The following DMD variants were observed in gnomAD, a reference collection of about 807,000 sequenced individuals.
The protein encoded by DMD is dystrophin, also known as mutant dystrophin.
In DMD, 63 loss-of-function variants were observed where a neutral mutation model predicts 330.1. That is an observed-to-expected ratio of 0.19 (90% CI 0.16 to 0.24). The LOEUF is 0.24. Among genes scored for constraint, DMD ranks in the 10% least tolerant of loss-of-function variants. The pLI, the probability that DMD is intolerant of heterozygous loss-of-function variation, is 1.00. For missense variants in DMD, 3,344 were observed against 2,684.1 expected, an observed-to-expected ratio of 1.25 and a Z score of -5.43; for synonymous variants, 1,223 against 959.8, an observed-to-expected ratio of 1.27 and a Z score of -5.07.
chrX:32,307,422 C>T (rs1325483383), intron 42 of DMD, among the ~76,000 whole-genome samples: 1 of 111,427 alleles, frequency 9.0e-6, no homozygotes, highest in Non-Finnish European at 1.9e-5. Flanking sequence ...CTTTAACTAC[C>T]TGACACTCAT....
chrX:32,406,304 T>G (rs2098116696), intron 30 of DMD, among the ~76,000 whole-genome samples: 1 of 111,423 alleles, frequency 9.0e-6, no homozygotes, highest in African/African-American at 3.3e-5. Flanking sequence ...ATAGGAGCAG[T>G]GAGAGAGGGC....
intron 16 of DMD, among the ~76,000 whole-genome samples, chrX:32,560,532 C>G (rs1367399915): frequency 9.1e-6 from 1 of 110,351 alleles, no homozygotes; most frequent in Non-Finnish European, 1.9e-5. Flanking sequence ...GGTGCACCTA[C>G]AGACCCATTA....
intron 11 of DMD, among the ~76,000 whole-genome samples, chrX:32,629,690 A>G (rs2146587034): frequency 9.1e-6 from 1 of 110,426 alleles, no homozygotes; most frequent in Non-Finnish European, 1.9e-5. Flanking sequence ...GTACCTGAGT[A>G]CATTATTTGA....
intron 48 of DMD, among the ~76,000 whole-genome samples, chrX:31,864,304 G>C (rs745700648): frequency 9.1e-6 from 1 of 110,078 alleles, no homozygotes; most frequent in East Asian, 2.9e-4. Flanking sequence ...CCAACAAATT[G>C]TTAGTCCTAT....
chrX:32,852,133 TCTTCCACTTGAGGA>T (rs1413684129), intron 2 of DMD, among the ~76,000 whole-genome samples: 1 of 111,500 alleles, frequency 9.0e-6, no homozygotes, highest in African/African-American at 3.3e-5. Context: ...AGAGACTGCT[TCTTCCACTTGAGGA>T]GAGGATAGGG....
intron 45 of DMD, among the ~76,000 whole-genome samples, chrX:31,962,848 C>G (rs1490331288): frequency 9.0e-6 from 1 of 111,477 alleles, no homozygotes; most frequent in East Asian, 2.8e-4. Flanking sequence ...GCGGACGGGA[C>G]AGATCCTGGG....
intron 54 of DMD, among the ~76,000 whole-genome samples, chrX:31,651,888 G>A (rs756223101): frequency 8.3e-4 from 92 of 111,421 alleles, no homozygotes; most frequent in African/African-American, 2.9e-3. Context: ...TGTAACAGAG[G>A]AGCCAGATAA....
intron 15 of DMD, among the ~76,000 whole-genome samples, chrX:32,572,199 A>G (rs2052498425): frequency 9.0e-6 from 1 of 111,652 alleles, no homozygotes; most frequent in African/African-American, 3.2e-5. Flanking sequence ...AATCTATTTT[A>G]AATTAAAAGA....
Position 31,220,055 on chromosome X carries a change from T to C in DMD, c.9361+2992A>G, listed in dbSNP as rs193264543. 6.4e-4 allele frequency among the ~76,000 whole-genome samples: 72 copies of C among 111,748 alleles called. 1 individual carries two copies. The highest frequency in any genetic ancestry group is 2.1e-3 in the African/African-American group (66 of 30,738). ...AACAGTCACGTGCTGTACAGGTGTATAGCCTAGGAGCAATAGGCTATCCCA... is the reference window on the plus strand; with the variant it reads ...AACAGTCACGTGCTGTACAGGTGTACAGCCTAGGAGCAATAGGCTATCCCA... On this transcript the variant is annotated intron_variant, in intron 64 of 78. Transcript: ENST00000357033.
rs200824304 is a variant in DMD at position 31,298,412 on chromosome X, C to CACAT, written c.9224+25185_9224+25186insATGT. 2.7e-3 allele frequency among the ~76,000 whole-genome samples: 269 copies of CACAT among 100,871 alleles called. 5 individuals carry two copies. In the East Asian group the frequency reaches 0.07, roughly 26 times the overall value. 87.6% of individuals were successfully genotyped at this position (100,871 alleles called of 115,157 possible). A position where few individuals can be genotyped will look rare whatever the true frequency, so the allele number is the denominator to read the frequency against. Reference sequence around the variant, plus strand: ...TCAAACACACACACACACACACATACACACACACACACACACACATACACA... The same window carrying CACAT: ...TCAAACACACACACACACACACATACACATACACACACACACACACACATACACA... On this transcript the variant is annotated intron_variant, in intron 62 of 78. Transcript: ENST00000357033.
chrX:31,319,909 T>C (rs1236114725), intron 62 of DMD, among the ~76,000 whole-genome samples: 2 of 112,467 alleles, frequency 1.8e-5, no homozygotes, highest in Non-Finnish European at 3.8e-5. Flanking sequence ...CCTAACAGAA[T>C]GCAGCAGCTG....
At chrX:33,151,067 G>A (rs1032328092) in intron 1 of DMD, among the ~76,000 whole-genome samples, 1 of 112,577 alleles carries the variant, frequency 8.9e-6, no homozygotes, top group Non-Finnish European at 1.9e-5. Flanking sequence ...AGCATGCTTT[G>A]CTATGTTATG....
Position 32,737,371 on chromosome X carries a change from G to A in DMD, c.650-38078C>T, listed in dbSNP as rs144039687. Among the ~76,000 whole-genome samples the A allele has an allele frequency of 1.5e-3, 161 of 110,883 alleles. 2 individuals carry two copies. In the East Asian group the frequency reaches 0.039, roughly 27 times the overall value. On this transcript the variant is annotated intron_variant, in intron 7 of 78. Coordinates refer to ENST00000357033, the MANE Select transcript of DMD (RefSeq NM_004006.3). ...TTTCTATGAAAATGACTATTTTATG[G>A]TATTTTCTAATAATTAGGTCTTATA...
At chrX:33,336,739 AT>A (rs1316171708) in intron 1 of DMD, among the ~76,000 whole-genome samples, 1 of 111,146 alleles carries the variant, frequency 9.0e-6, no homozygotes, top group Non-Finnish European at 1.9e-5. Flanking sequence ...CACACCTTCT[AT>A]TTTTATGCAT....
At chrX:32,315,200 T>A (rs2097578895) in intron 41 of DMD, among the ~76,000 whole-genome samples, 1 of 111,841 alleles carries the variant, frequency 8.9e-6, no homozygotes, top group South Asian at 3.7e-4. Context: ...TGGGACACTA[T>A]GCAGCCATAA....
rs754176290 is a variant in DMD, at chrX:32,595,876, C to A, written c.1483G>T (p.Val495Leu). The A allele has an allele frequency of 5.9e-6, 7 of 1,187,551 alleles. No individual in the cohort carries two copies. Among genetic ancestry groups the A allele is most frequent in the Non-Finnish European group, 8.0e-6 (7 of 874,069 alleles). Residue 495 changes from valine to leucine, a missense_variant and splice_region_variant, in exon 13 of 79, where the codon GTG (valine) becomes TTG (leucine). Coordinates refer to ENST00000357033, the MANE Select transcript of DMD (RefSeq NM_004006.3). ...TCTTGTTCTAGATCTTCTTGAAGCA[C>A]CTGAAAGATAAAATGTTTTAAAGGA... ...DLKRQVQQHK[V>L]LQEDLEQEQV...
rs775036740 is a variant in DMD at position 32,756,547 on chromosome X, C to T, written c.649+52946G>A. On this transcript the variant is annotated intron_variant, in intron 7 of 78. Coordinates refer to ENST00000357033, the MANE Select transcript of DMD (RefSeq NM_004006.3). ...TATGATGTCAATATTATATGTCTTA[C>T]GCATCTAGTTTATAAAAGTCATCAG... The T allele has an allele frequency of 8.9e-4, 99 of 111,087 alleles. 1 individual carries two copies. Among genetic ancestry groups the T allele is most frequent in the African/African-American group, 2.5e-3 (75 of 30,562 alleles). 9.2% of individuals were successfully genotyped at this position (111,087 alleles called of 1,213,427 possible). A position where few individuals can be genotyped will look rare whatever the true frequency, so the allele number is the denominator to read the frequency against.
chrX:32,462,059 G>T (rs1310825527), intron 25 of DMD, among the ~76,000 whole-genome samples: 2 of 110,047 alleles, frequency 1.8e-5, no homozygotes, highest in East Asian at 5.7e-4. Flanking sequence ...AAGACCAACT[G>T]CCTCTAACAC....
At chrX:33,099,662 A>G (rs1041083905) in intron 1 of DMD, among the ~76,000 whole-genome samples, 7 of 112,297 alleles carry the variant, frequency 6.2e-5, no homozygotes, top group African/African-American at 2.3e-4. Context: ...ATATCTATCT[A>G]GAAACATATC....
Sources: gnomAD v4.1 joint callset for allele counts (sites outside exome capture counted in the v4.1 genomes callset) on GRCh38, gnomAD v4.1.1 for gene constraint, MANE v1.5 for transcripts, NCBI Gene and HGNC (gene_info 2026-07-23, HGNC 2026-07-21) for gene names.